Variants in NBPF8 observed in about 807,000 individuals in gnomAD.
NBPF8 encodes the protein NBPF family member NBPF8.
In NBPF8 at chr1:120,466,072, C is replaced by T. The variant is rs1305501978; in HGVS notation, n.3663C>T. ...GACTCCATCAATGTACTGTGAACTACGTGACTCATTCCAGCACTACAGAAG... is the reference window on the plus strand; with the variant it reads ...GACTCCATCAATGTACTGTGAACTATGTGACTCATTCCAGCACTACAGAAG... On this transcript the variant is annotated non_coding_transcript_exon_variant, in exon 25 of 25. Coordinates refer to ENST00000583271, the Ensembl canonical transcript of NBPF8. 3,387 of 1,611,896 alleles carry T rather than the reference C, an allele frequency of 2.1e-3. 12 individuals are homozygous for T. Among genetic ancestry groups the T allele is most frequent in the Non-Finnish European group, 2.5e-3 (2,962 of 1,179,536 alleles).
intron 1 of NBPF8, among the ~76,000 whole-genome samples, chr1:120,423,244 T>C (rs1293282807): frequency 3.9e-5 from 5 of 127,460 alleles, no homozygotes; most frequent in Non-Finnish European, 7.9e-5. Flanking sequence ...CTCTTAGGAT[T>C]CTTATGGTTT....
upstream of NBPF8, among the ~76,000 whole-genome samples, chr1:120,415,562 G>A (rs1660410740): frequency 2.0e-5 from 3 of 152,144 alleles, no homozygotes; most frequent in South Asian, 4.1e-4. Flanking sequence ...AGCTTCGGGG[G>A]CACGTCCTCG....
chr1:120,463,138 G>C (rs1461053125), intron 21 of NBPF8, among the ~76,000 whole-genome samples, 172 bp downstream of exon 19: 1 of 151,286 alleles, frequency 6.6e-6, no homozygotes, highest in African/African-American at 2.4e-5. Context: ...GCCTAGACAT[G>C]AAATGGGTCA....
intron 1 of NBPF8, among the ~76,000 whole-genome samples, chr1:120,423,278 A>G (rs1196844924): frequency 9.1e-6 from 1 of 109,740 alleles, no homozygotes; most frequent in Non-Finnish European, 1.8e-5. Flanking sequence ...TACGTGTAAG[A>G]TTTATTTTAT....
At chr1:120,422,197 G>A (rs1438055094) in intron 1 of NBPF8, among the ~76,000 whole-genome samples, 7 of 152,142 alleles carry the variant, frequency 4.6e-5, no homozygotes, top group Admixed American at 4.6e-4. Flanking sequence ...TTGTATTAGT[G>A]TGGTCCATTC....
intron 14 of NBPF8, among the ~76,000 whole-genome samples, chr1:120,453,669 C>T (rs1187716740): frequency 6.6e-6 from 1 of 151,256 alleles, no homozygotes; most frequent in African/African-American, 2.4e-5. Flanking sequence ...TCTTCATCCT[C>T]CTCAGCTCCT....
upstream of NBPF8, among the ~76,000 whole-genome samples, chr1:120,419,211 T>C (rs1254540098): frequency 6.6e-6 from 1 of 152,260 alleles, no homozygotes; most frequent in Non-Finnish European, 1.5e-5. Flanking sequence ...AAAGGAAATG[T>C]CAATGAAAAG....
At chr1:120,424,274 G>A in intron 1 of NBPF8, among the ~76,000 whole-genome samples, 1 of 151,396 alleles carries the variant, frequency 6.6e-6, no homozygotes, top group East Asian at 1.9e-4. Flanking sequence ...AAACATAATA[G>A]TAGTCCTGTT....
chr1:120,455,970 CT>C (rs1277771409), intron 16 of NBPF8, among the ~76,000 whole-genome samples: 17 of 152,104 alleles, frequency 1.1e-4, no homozygotes, highest in African/African-American at 4.1e-4. Context: ...TATGTTGTGT[CT>C]TTTTTCTCAT....
intron 1 of NBPF8, among the ~76,000 whole-genome samples, chr1:120,421,494 TCCTC>T (rs1280192193): frequency 4.8e-5 from 7 of 145,118 alleles, no homozygotes; most frequent in African/African-American, 1.1e-4. Context: ...CTCCCTGCCT[TCCTC>T]CCTCCCTCCC....
chr1:120,459,980 T>C (rs1278415042), intron 17 of NBPF8, among the ~76,000 whole-genome samples: 97 of 152,240 alleles, frequency 6.4e-4, no homozygotes, highest in Non-Finnish European at 1.2e-3. Context: ...GTGAAAGATG[T>C]GACCCAGGTT....
chr1:120,421,177 A>G (rs1481137041), intron 1 of NBPF8, among the ~76,000 whole-genome samples: 1 of 152,150 alleles, frequency 6.6e-6, no homozygotes, highest in Non-Finnish European at 1.5e-5. Flanking sequence ...AGTGGGCCAG[A>G]GGAATAATGT....
chr1:120,420,823 C>A (rs1170651985), intron 1 of NBPF8, among the ~76,000 whole-genome samples: 1 of 148,828 alleles, frequency 6.7e-6, no homozygotes, highest in Admixed American at 6.7e-5. Context: ...GGCTAGAGAC[C>A]CCATAACGAG....
chr1:120,452,036 T>C, intron 12 of NBPF8, 81 bp from the exon 11 acceptor site: 3 of 1,413,274 alleles, frequency 2.1e-6, no homozygotes, highest in Non-Finnish European at 3.0e-6. Context: ...GAGGACATTG[T>C]CTCAGAAGTC....
In NBPF8 at chr1:120,465,964, G is replaced by C. The variant is rs1337420815; in HGVS notation, n.3569-14G>C. The C allele has an allele frequency of 7.4e-6, 12 of 1,611,638 alleles. No individual in the cohort carries two copies. In the East Asian group the frequency reaches 2.5e-4, roughly 33 times the overall value. The stretch of plus-strand genomic sequence containing the variant: ...TTTCCCTGGCTGCTTCTTTAGTTTT[G>C]TCTCCTTTTCCAGGCTCAACAGCGT... On this transcript the variant is annotated splice_polypyrimidine_tract_variant and intron_variant and non_coding_transcript_variant, in intron 24 of 24. Coordinates refer to ENST00000583271, the Ensembl canonical transcript of NBPF8.
At position 120,420,702 on chromosome 1, in the gene NBPF8, C is replaced by T. The variant is rs1287609206; in HGVS notation, n.269+584C>T. 2.6e-3 allele frequency among the ~76,000 whole-genome samples: 380 copies of T among 145,508 alleles called. 5 individuals are homozygous for T. Among genetic ancestry groups the T allele is most frequent in the African/African-American group, 9.9e-3 (370 of 37,532 alleles). ...TCTCCCATTCCAGAATCCTGTAGGACTTAGAATTTATGGGCCACAGTGGAA... is the reference window on the plus strand; with the variant it reads ...TCTCCCATTCCAGAATCCTGTAGGATTTAGAATTTATGGGCCACAGTGGAA... On this transcript the variant is annotated intron_variant and non_coding_transcript_variant, in intron 1 of 28. Coordinates refer to the NBPF8 transcript ENST00000652355.
At chr1:120,417,797 C>G (rs1660470697), upstream of NBPF8, among the ~76,000 whole-genome samples, 3 of 145,496 alleles carry the variant, frequency 2.1e-5, no homozygotes, top group Admixed American at 6.9e-5. Flanking sequence ...GATGGGGATT[C>G]AACATGTTTC....
At chr1:120,456,022 A>AT (rs1316120438) in intron 16 of NBPF8, among the ~76,000 whole-genome samples, 7 of 151,454 alleles carry the variant, frequency 4.6e-5, no homozygotes, top group African/African-American at 1.5e-4. Flanking sequence ...TCATTTTGTT[A>AT]TTTTCCCAGT....
In NBPF8 at chr1:120,461,016, C is replaced by CTGTGTGTGTG. The variant is rs202089337; in HGVS notation, n.2837-198_2837-189dup. On this transcript the variant is annotated intron_variant and non_coding_transcript_variant, in intron 18 of 24. Coordinates refer to ENST00000583271, the Ensembl canonical transcript of NBPF8. The stretch of plus-strand genomic sequence containing the variant: ...ACCTGACCAATTCACTGAGCTCGAA[C>CTGTGTGTGTG]TGTGTGTGTGTGTGTGTGTGTGTGT... Among the ~76,000 whole-genome samples the CTGTGTGTGTG allele has an allele frequency of 7.3e-3, 955 of 131,270 alleles. 4 individuals are homozygous for CTGTGTGTGTG. Among genetic ancestry groups the CTGTGTGTGTG allele is most frequent in the Non-Finnish European group, 0.011 (678 of 61,146 alleles). 86.1% of individuals were successfully genotyped at this position (131,270 alleles called of 152,430 possible).
Sources: gnomAD v4.1 joint callset for allele counts (sites outside exome capture counted in the v4.1 genomes callset) on GRCh38, gnomAD v4.1.1 for gene constraint, MANE v1.5 for transcripts, NCBI Gene and HGNC (gene_info 2026-07-23, HGNC 2026-07-21) for gene names.